The following NRP1 variants were observed in gnomAD, a reference collection of about 807,000 sequenced individuals.
The protein encoded by NRP1 is neuropilin-1.
Under a neutral mutation model 106.7 loss-of-function variants are expected in NRP1, and 35 were observed. The ratio of observed to expected loss-of-function variants is 0.33; its 90% confidence interval spans 0.25 to 0.43. The LOEUF is 0.43. Ranked by LOEUF, NRP1 falls within the 20% of genes least tolerant of loss-of-function variation. The pLI is 1.00. For missense variants in NRP1, 1,024 were observed against 1,170.4 expected (o/e 0.87, Z 1.83); for synonymous variants, 437 against 417.9 (o/e 1.05, Z -0.56).
intron 2 of NRP1, among the ~76,000 whole-genome samples, chr10:33,287,060 T>C (rs1201582579): frequency 6.6e-6 from 1 of 152,104 alleles, no homozygotes; most frequent in East Asian, 1.9e-4. Context: ...AGTCAAATGG[T>C]CTTTATATCA....
chr10:33,266,545 C>T (rs1297405124), intron 3 of NRP1, among the ~76,000 whole-genome samples: 1 of 152,200 alleles, frequency 6.6e-6, no homozygotes, highest in African/African-American at 2.4e-5. Context: ...TCCTTATTCA[C>T]TGTTGTTTCA....
At chr10:33,311,457 T>C (rs1846602174) in intron 2 of NRP1, among the ~76,000 whole-genome samples, 1 of 152,236 alleles carries the variant, frequency 6.6e-6, no homozygotes, top group Non-Finnish European at 1.5e-5. Context: ...AGGTCTCTTC[T>C]ACTTGTCAGT....
At chr10:33,268,147 T>G (rs887506188) in intron 3 of NRP1, among the ~76,000 whole-genome samples, 1 of 152,170 alleles carries the variant, frequency 6.6e-6, no homozygotes, top group Non-Finnish European at 1.5e-5. Context: ...TGCTTTTGTG[T>G]GTGTGTGTAT....
chr10:33,289,771 A>C (rs1844852687), intron 2 of NRP1, among the ~76,000 whole-genome samples: 3 of 152,232 alleles, frequency 2.0e-5, no homozygotes, highest in Admixed American at 6.5e-5. Context: ...ACCAAGCATC[A>C]AAAGGTTTGC....
intron 6 of NRP1, among the ~76,000 whole-genome samples, chr10:33,253,735 T>C (rs1842014913): frequency 6.6e-6 from 1 of 152,238 alleles, no homozygotes; most frequent in Non-Finnish European, 1.5e-5. Context: ...GTGAGACACT[T>C]GTAGTCACAT....
chr10:33,259,458 G>C (rs1321046052), intron 4 of NRP1, among the ~76,000 whole-genome samples: 1 of 152,186 alleles, frequency 6.6e-6, no homozygotes, highest in Non-Finnish European at 1.5e-5. Context: ...CGTCTCGTGT[G>C]TGTGCTCATT....
chr10:33,227,038 G>A (rs144183767), intron 6 of NRP1, among the ~76,000 whole-genome samples: 6 of 152,272 alleles, frequency 3.9e-5, no homozygotes, highest in African/African-American at 1.4e-4. Context: ...ATTTTATAGA[G>A]TTTGACTCTT....
chr10:33,306,223 A>C (rs1259304597), intron 2 of NRP1, among the ~76,000 whole-genome samples: 11 of 152,166 alleles, frequency 7.2e-5, no homozygotes, highest in Non-Finnish European at 1.6e-4. Flanking sequence ...CATGGCAGAG[A>C]GCTGTCTGCA....
chr10:33,286,677 CTT>C (rs1428708056), intron 2 of NRP1, among the ~76,000 whole-genome samples: 1 of 152,160 alleles, frequency 6.6e-6, no homozygotes, highest in Non-Finnish European at 1.5e-5. Flanking sequence ...ACAGAACAAA[CTT>C]AACTTATTCT....
chr10:33,320,986 A>G (rs1421565627), intron 2 of NRP1, among the ~76,000 whole-genome samples: 2 of 152,072 alleles, frequency 1.3e-5, no homozygotes, highest in African/African-American at 4.8e-5. Context: ...AGAAATTTAC[A>G]TTTTATTTAT....
intron 10 of NRP1, among the ~76,000 whole-genome samples, chr10:33,203,613 C>A (rs1837517449): frequency 6.6e-6 from 1 of 151,886 alleles, no homozygotes; most frequent in Admixed American, 6.6e-5. Context: ...TCTCAGATGT[C>A]CCGGGGTCAT....
At chr10:33,282,756 T>A (rs1195009912) in intron 2 of NRP1, among the ~76,000 whole-genome samples, 2 of 152,320 alleles carry the variant, frequency 1.3e-5, no homozygotes, top group East Asian at 1.9e-4. Flanking sequence ...TTTTCTTTTT[T>A]TTTTTTGAAG....
chr10:33,194,615 C>T (rs960167162), intron 12 of NRP1: 1 of 440,254 alleles, frequency 2.3e-6, no homozygotes, highest in Non-Finnish European at 4.7e-6. Context: ...TACATTTAAC[C>T]AGGTGAACCG....
intron 2 of NRP1, among the ~76,000 whole-genome samples, chr10:33,285,495 C>T (rs927666027): frequency 3.3e-5 from 5 of 152,120 alleles, no homozygotes; most frequent in Non-Finnish European, 7.4e-5. Context: ...TTAGGATCCA[C>T]TTCTAATTTA....
intron 2 of NRP1, among the ~76,000 whole-genome samples, chr10:33,278,214 G>A (rs1843854228): frequency 1.3e-5 from 2 of 151,904 alleles, no homozygotes. Context: ...GTGATTATTT[G>A]GTAGCCTTTC....
chr10:33,324,908 C>T (rs1176005723), intron 2 of NRP1, among the ~76,000 whole-genome samples: 1 of 152,138 alleles, frequency 6.6e-6, no homozygotes, highest in Non-Finnish European at 1.5e-5. Context: ...CCAATGTTTG[C>T]GAGTGAGCCA....
intron 2 of NRP1, among the ~76,000 whole-genome samples, chr10:33,290,819 A>AC (rs1380886867): frequency 6.6e-6 from 1 of 152,168 alleles, no homozygotes; most frequent in Non-Finnish European, 1.5e-5. Flanking sequence ...GATTGCAATA[A>AC]CCCGTCAAAA....
intron 4 of NRP1, among the ~76,000 whole-genome samples, chr10:33,256,693 T>A (rs1034473039): frequency 6.6e-6 from 1 of 152,158 alleles, no homozygotes; most frequent in African/African-American, 2.4e-5. Flanking sequence ...ATAACCGCAT[T>A]CCCCAGTGAG....
At chr10:33,275,376 G>C (rs1843609452) in intron 2 of NRP1, among the ~76,000 whole-genome samples, 1 of 152,142 alleles carries the variant, frequency 6.6e-6, no homozygotes, top group African/African-American at 2.4e-5. Flanking sequence ...AGACCATCCT[G>C]GCTAACATGG....
Sources: gnomAD v4.1 joint callset for allele counts (sites outside exome capture counted in the v4.1 genomes callset) on GRCh38, gnomAD v4.1.1 for gene constraint, MANE v1.5 for transcripts, NCBI Gene and HGNC (gene_info 2026-07-23, HGNC 2026-07-21) for gene names.